Variants in BRIP1 observed in about 807,000 individuals in gnomAD.
BRIP1 encodes the protein Fanconi anemia group J protein.
Under a neutral mutation model 119.7 loss-of-function variants are expected in BRIP1, and 88 were observed. The observed-to-expected ratio is 0.74, with a 90% confidence interval of 0.62 to 0.88. The LOEUF (loss-of-function observed/expected upper bound fraction) is 0.88. Among genes scored for constraint, BRIP1 ranks in the 40% least tolerant of loss-of-function variants. The probability of loss-of-function intolerance (pLI) is 0.00; values close to 1 mark genes in which losing one functional copy is unlikely to be tolerated. For missense variants in BRIP1, 1,259 were observed against 1,455.4 expected (o/e 0.87, Z 2.20); for synonymous variants, 443 against 496.5 (o/e 0.89, Z 1.43).
intron 14 of BRIP1, among the ~76,000 whole-genome samples, chr17:61,772,208 T>TATATATATATATAA (rs1555599843): frequency 1.2e-5 from 1 of 86,300 alleles, no homozygotes; most frequent in African/African-American, 4.4e-5. Context: ...TATATATATA[T>TATATATATATATAA]AAAATGAAAT....
rs984898767 is a variant in BRIP1, at chr17:61,745,737, T to C, written c.2098-1146A>G. The stretch of plus-strand genomic sequence containing the variant: ...AACACAGTATAACTCATGAAATCTT[T>C]AGTTATGAATAAGAAAAGCACTCAC... On this transcript the variant is annotated intron_variant, in intron 14 of 19. Transcript: ENST00000259008. This position sits in a 1 kb window ranked among gnomAD's most constrained non-coding sequence, Gnocchi z 4.4. 2.6e-5 allele frequency among the ~76,000 whole-genome samples: 4 copies of C among 152,176 alleles called. No individual in the cohort carries two copies. Among genetic ancestry groups the C allele is most frequent in the African/African-American group, 4.8e-5 (2 of 41,430 alleles).
intron 6 of BRIP1, among the ~76,000 whole-genome samples, chr17:61,812,927 T>C (rs1257443389): frequency 6.6e-6 from 1 of 152,106 alleles, no homozygotes; most frequent in Non-Finnish European, 1.5e-5. Context: ...CATACCACAA[T>C]GTCAACTTCT....
rs45468199 is a variant in BRIP1 at position 61,716,002 on chromosome 17, C to T, written c.2441G>A (p.Arg814His). The stretch of plus-strand genomic sequence containing the variant: ...GTATGCTTGAATTTCATACCACTGA[C>T]GGCCAGGTAGAAGACCTCTCAATTT... Reference protein sequence around the residue: ...HSKLRGLLPGRQWYEIQAYRA... With the variant: ...HSKLRGLLPGHQWYEIQAYRA... Residue 814 changes from arginine to histidine, a missense_variant, in exon 17 of 20, where the codon CGT (arginine) becomes CAT (histidine). Arg to His is a conservative substitution (Grantham distance 29). Coordinates refer to ENST00000259008, the MANE Select transcript of BRIP1 (RefSeq NM_032043.3). The T allele has an allele frequency of 3.4e-5, 54 of 1,609,004 alleles. No individual in the cohort carries two copies. Among genetic ancestry groups the T allele is most frequent in the Non-Finnish European group, 4.5e-5 (53 of 1,177,258 alleles).
rs1011133789 is a variant in BRIP1 at position 61,680,080 on chromosome 17, C to T, written c.*3216G>A. On this transcript the variant is annotated 3_prime_UTR_variant, in exon 20 of 20. Transcript: ENST00000259008. ...TATCTAGGCCAGGCATGGTGGCTCA[C>T]GCCTGTAATCCCAACACTTTGGGAG... Among the ~76,000 whole-genome samples the T allele has an allele frequency of 1.3e-5, 2 of 151,656 alleles. No homozygotes were observed. Among genetic ancestry groups the T allele is most frequent in the African/African-American group, 2.4e-5 (1 of 41,232 alleles).
In BRIP1 at chr17:61,842,293, G is replaced by A. The variant is rs1567863034; in HGVS notation, c.627+4808C>T. On this transcript the variant is annotated intron_variant, in intron 6 of 19. Coordinates refer to ENST00000259008, the MANE Select transcript of BRIP1 (RefSeq NM_032043.3). The surrounding 1 kb of genome is among the most constrained non-coding windows in gnomAD (Gnocchi z 5.1). ...GAGGTTAGGAAGGGGTGAGGGGAGG[G>A]GAGGATAAGGAGAGGTGGGTTTACA... Among the ~76,000 whole-genome samples the A allele has an allele frequency of 6.6e-6, 1 of 151,996 alleles. No individual in the cohort carries two copies. Among genetic ancestry groups the A allele is most frequent in the Non-Finnish European group, 1.5e-5 (1 of 68,000 alleles).
At position 61,682,252 on chromosome 17, in the gene BRIP1, TG is replaced by T. The variant is rs1444375242; in HGVS notation, c.*1043del. 4 of 199,598 alleles carry T rather than the reference TG, an allele frequency of 2.0e-5. No homozygotes were observed. Among genetic ancestry groups the T allele is most frequent in the Non-Finnish European group, 4.1e-5 (4 of 96,742 alleles). The allele number at this position is 199,598 out of a possible 1,614,324, so 12.4% of individuals were successfully genotyped here. On this transcript the variant is annotated 3_prime_UTR_variant, in exon 20 of 20. Coordinates refer to ENST00000259008, the MANE Select transcript of BRIP1 (RefSeq NM_032043.3). The surrounding 1 kb of genome is among the most constrained non-coding windows in gnomAD (Gnocchi z 4.9). ...TAGAACAATACCAGAGGGGATAAATTGTTTCACCCTTTCTAAACAATGTAGA... is the reference window on the plus strand; with the variant it reads ...TAGAACAATACCAGAGGGGATAAATTTTTCACCCTTTCTAAACAATGTAGA...
At chr17:61,785,299 C>T (rs888962943) in intron 10 of BRIP1, among the ~76,000 whole-genome samples, 5 of 152,090 alleles carry the variant, frequency 3.3e-5, no homozygotes, top group South Asian at 2.1e-4. Flanking sequence ...TTGGTCTTTA[C>T]ATGGCTCATA....
intron 6 of BRIP1, among the ~76,000 whole-genome samples, chr17:61,840,343 G>T (rs1372754716): frequency 4.1e-5 from 5 of 122,434 alleles, no homozygotes; most frequent in Non-Finnish European, 6.6e-5. Flanking sequence ...GGTGACAGGG[G>T]AGACTCCGTC....
chr17:61,721,095 G>A (rs2061965251), intron 16 of BRIP1, among the ~76,000 whole-genome samples: 2 of 151,994 alleles, frequency 1.3e-5, no homozygotes, highest in Non-Finnish European at 2.9e-5. Flanking sequence ...ACCTGCATTG[G>A]CCTCCCAAAA....
chr17:61,765,027 T>C (rs1271085725), intron 14 of BRIP1, among the ~76,000 whole-genome samples: 2 of 151,936 alleles, frequency 1.3e-5, no homozygotes. Context: ...AGCTTTTTCT[T>C]TCTGTGTCAC....
chr17:61,713,428 C>T lies in BRIP1; in HGVS notation c.2492+2523G>A, dbSNP rs1033797535. Among the ~76,000 whole-genome samples, 9 of 152,160 alleles carry T rather than the reference C, an allele frequency of 5.9e-5. No individual in the cohort carries two copies. The highest frequency in any genetic ancestry group is 1.2e-4 in the African/African-American group (5 of 41,516). On this transcript the variant is annotated intron_variant, in intron 17 of 19. Transcript: ENST00000259008. This position sits in a 1 kb window ranked among gnomAD's most constrained non-coding sequence, Gnocchi z 4.9. ...GCATGTTATTTATTGGTCCTGAAGACCTTCCAGTGATTCAAGACATGGAGG... is the reference window on the plus strand; with the variant it reads ...GCATGTTATTTATTGGTCCTGAAGATCTTCCAGTGATTCAAGACATGGAGG...
At chr17:61,688,708 A>G (rs2061398389) in intron 18 of BRIP1, among the ~76,000 whole-genome samples, 1 of 151,934 alleles carries the variant, frequency 6.6e-6, no homozygotes, top group East Asian at 1.9e-4. Flanking sequence ...AACAGGAAAA[A>G]ATAACCCTGT....
chr17:61,835,476 T>C (rs1374080150), intron 6 of BRIP1, among the ~76,000 whole-genome samples: 1 of 151,758 alleles, frequency 6.6e-6, no homozygotes, highest in Non-Finnish European at 1.5e-5. Context: ...GAGAAAAGAA[T>C]AGGAGGAAGA....
chr17:61,771,552 C>A (rs1279602263), intron 14 of BRIP1, among the ~76,000 whole-genome samples: 4 of 152,080 alleles, frequency 2.6e-5, no homozygotes, highest in Admixed American at 2.6e-4. Flanking sequence ...TCAAAAAAAA[C>A]ATAAAATAAC....
At position 61,816,338 on chromosome 17, in the gene BRIP1, TC is replaced by T. The variant is rs531408339; in HGVS notation, c.628-7582del. Among the ~76,000 whole-genome samples the T allele has an allele frequency of 2.5e-3, 378 of 152,328 alleles. 1 individual carries two copies. Among genetic ancestry groups the T allele is most frequent in the Non-Finnish European group, 3.6e-3 (246 of 68,022 alleles). The stretch of plus-strand genomic sequence containing the variant: ...CTCTGATTGTAACAGACTGCCAGTC[TC>T]CTGGAATGTGTAACTGAAGTCACTC... On this transcript the variant is annotated intron_variant, in intron 6 of 19. Transcript: ENST00000259008. This position sits in a 1 kb window ranked among gnomAD's most constrained non-coding sequence, Gnocchi z 5.0.
Position 61,751,921 on chromosome 17 carries a change from A to G in BRIP1, c.2098-7330T>C, listed in dbSNP as rs1011828158. Among the ~76,000 whole-genome samples the G allele has an allele frequency of 1.3e-5, 2 of 151,992 alleles. No homozygotes were observed. Among genetic ancestry groups the G allele is most frequent in the African/African-American group, 4.8e-5 (2 of 41,370 alleles). On this transcript the variant is annotated intron_variant, in intron 14 of 19. Coordinates refer to ENST00000259008, the MANE Select transcript of BRIP1 (RefSeq NM_032043.3). This position sits in a 1 kb window ranked among gnomAD's most constrained non-coding sequence, Gnocchi z 6.7. ...GTAGCTGGGACTACAGGCGGACACC[A>G]CCACACCTGACTAATTTTTGTATTT... is the stretch of plus-strand genomic sequence containing the variant.
rs2076740200 is a variant in BRIP1 at position 61,724,483 on chromosome 17, CTT to C, written c.2380-8422_2380-8421del. ...GACTTTTTCAACTTTCAGTCAAACT[CTT>C]TGCACAAAAGTAGCCTTTTTAAAGT... On this transcript the variant is annotated intron_variant, in intron 16 of 19. Coordinates refer to ENST00000259008, the MANE Select transcript of BRIP1 (RefSeq NM_032043.3). The surrounding 1 kb of genome is among the most constrained non-coding windows in gnomAD (Gnocchi z 5.1). Among the ~76,000 whole-genome samples the C allele has an allele frequency of 6.6e-6, 1 of 152,086 alleles. No homozygotes were observed. The highest frequency in any genetic ancestry group is 6.6e-5 in the Admixed American group (1 of 15,252).
chr17:61,747,979 C>T (rs1012969830), intron 14 of BRIP1, among the ~76,000 whole-genome samples: 2 of 151,404 alleles, frequency 1.3e-5, no homozygotes, highest in Non-Finnish European at 2.9e-5. Flanking sequence ...CTCAAGTGCT[C>T]CTCCTGCCTT....
In BRIP1 at chr17:61,709,015, T is replaced by C. The variant is rs2061735010; in HGVS notation, c.2492+6936A>G. ...GCCTGGTGTTGAAGAATACAGAGTC[T>C]CTGTTGTTCAACCTTTCCAGAAGTA... On this transcript the variant is annotated intron_variant, in intron 17 of 19. Transcript: ENST00000259008. The surrounding 1 kb of genome is among the most constrained non-coding windows in gnomAD (Gnocchi z 5.0). 6.6e-6 allele frequency among the ~76,000 whole-genome samples: 1 copy of C among 152,204 alleles called. No individual in the cohort carries two copies. The highest frequency in any genetic ancestry group is 2.4e-5 in the African/African-American group (1 of 41,448).
Sources: allele counts gnomAD v4.1 joint callset (sites outside exome capture counted in the v4.1 genomes callset), GRCh38; gene constraint gnomAD v4.1.1; non-coding constraint Gnocchi (gnomAD v3.1); transcripts MANE v1.5; gene names NCBI Gene and HGNC (gene_info 2026-07-23, HGNC 2026-07-21).